MGAT4C: variants seen among roughly 807,000 people sequenced by gnomAD.
The protein encoded by MGAT4C is MGAT4 family member C.
A neutral mutation model predicts 40.1 loss-of-function variants in MGAT4C; 19 were observed. That is an observed-to-expected ratio of 0.47 (90% CI 0.33 to 0.70). The LOEUF is 0.70. Among genes scored for constraint, MGAT4C ranks in the 30% least tolerant of loss-of-function variants. MGAT4C has a pLI of 0.02. For synonymous variants in MGAT4C, 181 were observed against 187.1 expected (o/e 0.97, Z 0.27); for missense variants, 491 against 563.2 (o/e 0.87, Z 1.30).
At chr12:86,058,588 A>AT (rs1263209100) in intron 1 of MGAT4C, among the ~76,000 whole-genome samples, 1 of 152,186 alleles carries the variant, frequency 6.6e-6, no homozygotes, top group Non-Finnish European at 1.5e-5. Flanking sequence ...TATTAACTTT[A>AT]TTTTTTTATT....
chr12:86,816,977 T>G (rs192588434), intron 1 of MGAT4C, among the ~76,000 whole-genome samples: 1 of 151,350 alleles, frequency 6.6e-6, no homozygotes, highest in Non-Finnish European at 1.5e-5. Context: ...TTGCTTTCAT[T>G]TTTGGTTTCT....
intron 4 of MGAT4C, among the ~76,000 whole-genome samples, chr12:86,308,020 T>G (rs2136147167): frequency 6.6e-6 from 1 of 150,760 alleles, no homozygotes; most frequent in African/African-American, 2.5e-5. Context: ...TACAATTTTT[T>G]TGTATTATTT....
intron 1 of MGAT4C, among the ~76,000 whole-genome samples, chr12:86,083,914 A>T (rs1195896877): frequency 6.6e-6 from 1 of 152,076 alleles, no homozygotes; most frequent in Non-Finnish European, 1.5e-5. Flanking sequence ...GAGAGAAGAG[A>T]TGTTTACCAC....
At chr12:86,476,265 A>T (rs1210743467) in intron 2 of MGAT4C, among the ~76,000 whole-genome samples, 1 of 152,152 alleles carries the variant, frequency 6.6e-6, no homozygotes, top group Non-Finnish European at 1.5e-5. Context: ...TAACCCCATT[A>T]AAAATGGGCA....
chr12:86,201,494 T>C (rs1950048698), intron 1 of MGAT4C, among the ~76,000 whole-genome samples: 2 of 149,368 alleles, frequency 1.3e-5, no homozygotes, highest in South Asian at 4.2e-4. Flanking sequence ...ATATAAAATA[T>C]TTACGTTTTA....
chr12:86,196,472 T>C (rs1264401247), intron 1 of MGAT4C, among the ~76,000 whole-genome samples: 1 of 152,194 alleles, frequency 6.6e-6, no homozygotes, highest in Non-Finnish European at 1.5e-5. Flanking sequence ...GCCCTCTTCC[T>C]CTGAGACCAA....
At chr12:86,732,784 T>C (rs1212503088) in intron 1 of MGAT4C, among the ~76,000 whole-genome samples, 2 of 151,152 alleles carry the variant, frequency 1.3e-5, no homozygotes, top group Non-Finnish European at 1.5e-5. Context: ...TGGAGACCCC[T>C]GTTTTAACAT....
At chr12:86,511,394 T>C (rs1331812170) in intron 2 of MGAT4C, among the ~76,000 whole-genome samples, 5 of 152,202 alleles carry the variant, frequency 3.3e-5, no homozygotes, top group Non-Finnish European at 7.3e-5. Context: ...GCTCATTAGT[T>C]TGATTTATTC....
intron 1 of MGAT4C, among the ~76,000 whole-genome samples, chr12:86,070,462 T>A (rs1894978003): frequency 6.6e-6 from 1 of 152,114 alleles, no homozygotes; most frequent in South Asian, 2.1e-4. Flanking sequence ...GCTAGTACAC[T>A]ACTAATCCAC....
intron 2 of MGAT4C, among the ~76,000 whole-genome samples, chr12:86,455,058 G>T (rs562940482): frequency 6.6e-6 from 1 of 152,034 alleles, no homozygotes; most frequent in Admixed American, 6.6e-5. Flanking sequence ...TGCTTGCATT[G>T]ATTGTGAATC....
intron 1 of MGAT4C, among the ~76,000 whole-genome samples, chr12:86,805,078 T>A (rs979621803): frequency 6.6e-6 from 1 of 152,056 alleles, no homozygotes; most frequent in African/African-American, 2.4e-5. Context: ...AAATGCACAT[T>A]TGTCCTTTGT....
intron 2 of MGAT4C, among the ~76,000 whole-genome samples, chr12:86,533,701 A>G (rs1371424120): frequency 2.0e-5 from 3 of 151,684 alleles, no homozygotes; most frequent in Admixed American, 2.0e-4. Context: ...ATATCTATAT[A>G]TATAAACAAA....
intron 2 of MGAT4C, among the ~76,000 whole-genome samples, chr12:86,476,963 C>T (rs1378036139): frequency 6.6e-6 from 1 of 152,014 alleles, no homozygotes; most frequent in Admixed American, 6.6e-5. Context: ...GACTGAAAAA[C>T]TACCTATTGG....
At chr12:86,144,820 A>G (rs2135748776) in intron 1 of MGAT4C, among the ~76,000 whole-genome samples, 1 of 152,316 alleles carries the variant, frequency 6.6e-6, no homozygotes, top group South Asian at 2.1e-4. Context: ...GTTATACTAT[A>G]AAACCAGTCC....
chr12:86,710,006 C>T lies in MGAT4C; in HGVS notation c.-229+17203G>A, dbSNP rs534914110. ...AATCACTAACCTTCATAATATTGTC[C>T]TTCAAATAAAGGTGATTATGAGATC... On this transcript the variant is annotated intron_variant, in intron 2 of 7. Transcript: ENST00000548651. 2.6e-5 allele frequency among the ~76,000 whole-genome samples: 4 copies of T among 152,150 alleles called. No individual in the cohort carries two copies. The South Asian group carries it at 8.3e-4, about 32-fold the overall frequency.
chr12:86,630,790 A>C (rs928683516), intron 2 of MGAT4C, among the ~76,000 whole-genome samples: 1 of 152,232 alleles, frequency 6.6e-6, no homozygotes, highest in Non-Finnish European at 1.5e-5. Flanking sequence ...GCCCACAGCC[A>C]GTATCATACT....
intron 4 of MGAT4C, among the ~76,000 whole-genome samples, chr12:86,276,882 G>A (rs1203112241): frequency 2.6e-5 from 4 of 152,180 alleles, no homozygotes; most frequent in Admixed American, 6.5e-5. Flanking sequence ...TATAAATAGT[G>A]CTGCAATAAA....
chr12:86,219,388 A>T (rs1950795675), intron 1 of MGAT4C, among the ~76,000 whole-genome samples: 1 of 152,088 alleles, frequency 6.6e-6, no homozygotes, highest in Non-Finnish European at 1.5e-5. Context: ...AATTGTTCAT[A>T]ACCTATGTCT....
intron 1 of MGAT4C, among the ~76,000 whole-genome samples, chr12:86,763,642 T>G (rs1042176041): frequency 6.6e-6 from 1 of 152,198 alleles, no homozygotes; most frequent in Admixed American, 6.5e-5. Flanking sequence ...CACATTATTT[T>G]GAGCATTTTG....
Sources: gnomAD v4.1 joint callset for allele counts (sites outside exome capture counted in the v4.1 genomes callset) on GRCh38, gnomAD v4.1.1 for gene constraint, MANE v1.5 for transcripts, NCBI Gene and HGNC (gene_info 2026-07-23, HGNC 2026-07-21) for gene names.